The following DIS3L2 variants were observed in gnomAD, a reference collection of about 807,000 sequenced individuals.
DIS3L2 encodes the protein DIS3 like 3'-5' exoribonuclease 2.
A neutral mutation model predicts 97.5 loss-of-function variants in DIS3L2; 34 were observed. That is an observed-to-expected ratio of 0.35 (90% CI 0.27 to 0.46). The LOEUF (loss-of-function observed/expected upper bound fraction) is 0.46, where lower values mean the gene tolerates loss of function less well. Among genes scored for constraint, DIS3L2 ranks in the 20% least tolerant of loss-of-function variants. DIS3L2 has a pLI of 1.00. For synonymous variants in DIS3L2, 435 were observed against 445.2 expected, an observed-to-expected ratio of 0.98 and a Z score of 0.29; for missense variants, 1,038 against 1,146.0, an observed-to-expected ratio of 0.91 and a Z score of 1.36.
chr2:232,249,196 C>G (rs763020263), intron 11 of DIS3L2, 43 bp from the exon 12 acceptor site: 1 of 1,597,322 alleles, frequency 6.3e-7, no homozygotes, highest in Non-Finnish European at 8.6e-7. Flanking sequence ...TTCTCCTAAG[C>G]GGGTTGGAGA....
In DIS3L2 at chr2:232,256,053, C is replaced by T. The variant is rs372283942; in HGVS notation, c.1425+6707C>T. 5.9e-5 allele frequency among the ~76,000 whole-genome samples: 9 copies of T among 152,232 alleles called. No homozygotes were observed. In the South Asian group the frequency reaches 1.7e-3, roughly 28 times the overall value. On this transcript the variant is annotated intron_variant, in intron 12 of 20. Transcript: ENST00000325385. ...CCTCTGCTCTTGCCCCACGTCATCTCCTCTGCATACAGCTGTCAGAGTGAT... is the reference window on the plus strand; with the variant it reads ...CCTCTGCTCTTGCCCCACGTCATCTTCTCTGCATACAGCTGTCAGAGTGAT...
At chr2:232,044,623 A>G (rs1695190330) in intron 5 of DIS3L2, among the ~76,000 whole-genome samples, 1 of 152,194 alleles carries the variant, frequency 6.6e-6, no homozygotes, top group African/African-American at 2.4e-5. Context: ...TTTAGAGTTC[A>G]GAAGTCAGAG....
intron 14 of DIS3L2, among the ~76,000 whole-genome samples, chr2:232,311,796 C>T (rs1695142286): frequency 6.6e-6 from 1 of 152,174 alleles, no homozygotes; most frequent in Non-Finnish European, 1.5e-5. Context: ...CATCTATAGT[C>T]CATTCATCAA....
At chr2:232,073,795 A>C (rs1696105898) in intron 5 of DIS3L2, among the ~76,000 whole-genome samples, 1 of 152,166 alleles carries the variant, frequency 6.6e-6, no homozygotes, top group African/African-American at 2.4e-5. Flanking sequence ...AGGGAAGAAA[A>C]ACCTAATGCA....
At chr2:232,309,680 CAAGCCAAAGCCA>C (rs959324943) in intron 14 of DIS3L2, among the ~76,000 whole-genome samples, 5 of 152,158 alleles carry the variant, frequency 3.3e-5, no homozygotes, top group Non-Finnish European at 5.9e-5. Context: ...GGAAAGTCCT[CAAGCCAAAGCCA>C]AAGCCAAAGC....
intron 1 of DIS3L2, chr2:231,978,642 A>G (rs534510764): frequency 1.3e-5 from 2 of 152,288 alleles, no homozygotes; most frequent in East Asian, 3.9e-4. Flanking sequence ...GTCTCCATGC[A>G]CTCCACCATC....
At chr2:232,130,766 G>A in intron 7 of DIS3L2, 47 bp downstream of exon 7, 1 of 1,605,382 alleles carries the variant, frequency 6.2e-7, no homozygotes, top group Non-Finnish European at 8.5e-7. Context: ...GCTTTCACCT[G>A]AGCTACTTGT....
chr2:232,146,921 C>T (rs1412800372), intron 8 of DIS3L2, among the ~76,000 whole-genome samples: 3 of 152,126 alleles, frequency 2.0e-5, no homozygotes, highest in Non-Finnish European at 2.9e-5. Context: ...AATCCTCTCT[C>T]AAATAATTAA....
At chr2:232,252,857 C>T (rs181399270) in intron 12 of DIS3L2, among the ~76,000 whole-genome samples, 8 of 152,090 alleles carry the variant, frequency 5.3e-5, no homozygotes, top group South Asian at 2.1e-4. Context: ...GCCATGATCA[C>T]GCCACGCAAT....
chr2:232,095,867 G>A (rs1464741178), intron 6 of DIS3L2, among the ~76,000 whole-genome samples: 1 of 151,536 alleles, frequency 6.6e-6, no homozygotes, highest in Non-Finnish European at 1.5e-5. Flanking sequence ...TTTTTCTTTA[G>A]CACTTTAAAC....
intron 1 of DIS3L2, among the ~76,000 whole-genome samples, chr2:231,991,905 A>G (rs372926045): frequency 1.3e-5 from 2 of 151,862 alleles, no homozygotes; most frequent in African/African-American, 4.8e-5. Flanking sequence ...AACTGGGGAT[A>G]CAGTGATGAA....
intron 14 of DIS3L2, chr2:232,328,803 C>T (rs889865375): frequency 6.6e-6 from 1 of 152,192 alleles, no homozygotes; most frequent in Non-Finnish European, 1.5e-5. Flanking sequence ...AGGACATGCC[C>T]AAGGCTGGCC....
intron 5 of DIS3L2, among the ~76,000 whole-genome samples, chr2:232,035,725 G>A (rs1176396592): frequency 6.6e-6 from 1 of 152,180 alleles, no homozygotes; most frequent in Middle Eastern, 3.2e-3. Flanking sequence ...GGATTTGCAT[G>A]TCTGTAAAGG....
At chr2:232,050,105 T>G (rs561976803) in intron 5 of DIS3L2, among the ~76,000 whole-genome samples, 1 of 151,978 alleles carries the variant, frequency 6.6e-6, no homozygotes, top group Non-Finnish European at 1.5e-5. Context: ...TCATTGGTTG[T>G]TTGCTTAGTT....
chr2:232,021,291 T>A (rs750446350), intron 3 of DIS3L2, among the ~76,000 whole-genome samples: 4 of 151,972 alleles, frequency 2.6e-5, no homozygotes, highest in Admixed American at 6.6e-5. Context: ...GGCAATTAGG[T>A]GGCTAGAGAA....
At chr2:232,234,031 A>T (rs950414521) in intron 10 of DIS3L2, among the ~76,000 whole-genome samples, 3 of 152,024 alleles carry the variant, frequency 2.0e-5, no homozygotes, top group African/African-American at 7.2e-5. Context: ...GTTATGAGAG[A>T]TAGGGAGGGA....
chr2:232,113,275 A>G (rs1244301365), intron 6 of DIS3L2, among the ~76,000 whole-genome samples: 1 of 152,204 alleles, frequency 6.6e-6, no homozygotes, highest in African/African-American at 2.4e-5. Context: ...TTTGTGGGCT[A>G]TAAGTCTCCA....
rs749084554 is a variant in DIS3L2, at chr2:232,336,642, C to T, written c.*12C>T. ...CAAGCACCAGCTGAGCTCCACCAGCCGCCTGCCCCGCCTGCCCCGCCTGCC... is the reference window on the plus strand; with the variant it reads ...CAAGCACCAGCTGAGCTCCACCAGCTGCCTGCCCCGCCTGCCCCGCCTGCC... On this transcript the variant is annotated 3_prime_UTR_variant, in exon 21 of 21. Coordinates refer to ENST00000325385, the MANE Select transcript of DIS3L2 (RefSeq NM_152383.5). 13 of 1,495,230 alleles carry T rather than the reference C, an allele frequency of 8.7e-6. No individual in the cohort carries two copies. The highest frequency in any genetic ancestry group is 2.5e-5 in the East Asian group (1 of 40,118). The allele number at this position is 1,495,230 out of a possible 1,614,324, so 92.6% of individuals were successfully genotyped here.
intron 1 of DIS3L2, among the ~76,000 whole-genome samples, chr2:231,990,718 A>C (rs1693560858): frequency 6.6e-6 from 1 of 152,164 alleles, no homozygotes; most frequent in Non-Finnish European, 1.5e-5. Context: ...ATTTATGGCC[A>C]AAACTCTGGT....
Sources: gnomAD v4.1 joint callset for allele counts (sites outside exome capture counted in the v4.1 genomes callset) on GRCh38, gnomAD v4.1.1 for gene constraint, MANE v1.5 for transcripts, NCBI Gene and HGNC (gene_info 2026-07-23, HGNC 2026-07-21) for gene names.